The following LRBA variants were observed in gnomAD, a reference collection of about 807,000 sequenced individuals.
The protein encoded by LRBA is lipopolysaccharide-responsive and beige-like anchor protein.
A neutral mutation model predicts 330.0 loss-of-function variants in LRBA; 176 were observed. The observed-to-expected ratio is 0.53, with a 90% CI of 0.47 to 0.60. LRBA has a LOEUF of 0.60. Among genes scored for constraint, LRBA ranks in the 20% least tolerant of loss-of-function variants. The probability of loss-of-function intolerance (pLI) is 0.00; values close to 1 mark genes in which losing one functional copy is unlikely to be tolerated. For missense variants in LRBA, 3,259 were observed against 3,444.8 expected, an observed-to-expected ratio of 0.95 and a Z score of 1.35; for synonymous variants, 1,230 against 1,193.0, an observed-to-expected ratio of 1.03 and a Z score of -0.64.
rs1009609088 is a variant in LRBA at position 150,282,515 on chromosome 4, G to T, written c.8251C>A (p.Leu2751Ile). ...GHCVIFYENG[L>I]FCTFSVNGKL... ...CCATTCACACTGAATGTACAGAAGA[G>T]GCCGTTTTCATAGAATATGACACAA... The change falls in exon 55 of 57, where the codon CTC becomes ATC. Residue 2751 changes from leucine to isoleucine, a missense_variant. Transcript: ENST00000651943. The T allele has an allele frequency of 2.5e-6, 4 of 1,614,152 alleles. No individual in the cohort carries two copies. The highest frequency in any genetic ancestry group is 1.7e-5 in the Admixed American group (1 of 60,012).
chr4:150,555,843 C>A (rs902179340), intron 40 of LRBA, among the ~76,000 whole-genome samples: 1 of 151,826 alleles, frequency 6.6e-6, no homozygotes, highest in Admixed American at 6.6e-5. Flanking sequence ...TCCTTTGTCA[C>A]CCAGGCTGGT....
chr4:150,534,964 A>G (rs1764487674), intron 40 of LRBA, among the ~76,000 whole-genome samples: 1 of 152,220 alleles, frequency 6.6e-6, no homozygotes, highest in Non-Finnish European at 1.5e-5. Context: ...ATGAGAGTAC[A>G]TTTCTTTTTA....
At chr4:150,862,908 G>T (rs1398805734) in intron 22 of LRBA, among the ~76,000 whole-genome samples, 1 of 152,176 alleles carries the variant, frequency 6.6e-6, no homozygotes, top group Non-Finnish European at 1.5e-5. Flanking sequence ...GAACCCAGGA[G>T]GTGGAGGTTT....
chr4:150,828,922 G>GTGTGTGTGTGTGTGTGT (rs1560878315), intron 29 of LRBA, among the ~76,000 whole-genome samples: 21 of 106,174 alleles, frequency 2.0e-4, no homozygotes, highest in African/African-American at 4.1e-4. Context: ...CTTTTTTGGG[G>GTGTGTGTGTGTGTGTGT]GTGTGTGTGT....
chr4:150,660,635 A>G (rs1379809859), intron 37 of LRBA, among the ~76,000 whole-genome samples: 3 of 140,310 alleles, frequency 2.1e-5, no homozygotes, highest in Non-Finnish European at 3.2e-5. Flanking sequence ...AAGGCGGGAA[A>G]GGCGGGGAAA....
intron 42 of LRBA, among the ~76,000 whole-genome samples, chr4:150,483,519 A>C (rs868677562): frequency 2.6e-5 from 4 of 151,494 alleles, no homozygotes; most frequent in Non-Finnish European, 5.9e-5. Context: ...AAAAAAATAG[A>C]GATGGGGTCT....
intron 17 of LRBA, among the ~76,000 whole-genome samples, chr4:150,875,557 C>CA (rs2127020475): frequency 6.6e-6 from 1 of 152,304 alleles, no homozygotes; most frequent in East Asian, 1.9e-4. Context: ...AACTGCCATC[C>CA]AATGGCTTGT....
intron 22 of LRBA, among the ~76,000 whole-genome samples, chr4:150,857,522 C>T (rs1006954441): frequency 6.6e-6 from 1 of 152,088 alleles, no homozygotes; most frequent in African/African-American, 2.4e-5. Context: ...TAAACTGGTA[C>T]AAATTTTTAG....
chr4:150,737,954 CCCT>C (rs1275922905), intron 35 of LRBA, among the ~76,000 whole-genome samples: 4 of 151,436 alleles, frequency 2.6e-5, no homozygotes, highest in East Asian at 1.9e-4. Context: ...AATTCTAACC[CCCT>C]CCTCAAGTCA....
chr4:150,773,481 G>A (rs1032170289), intron 34 of LRBA, among the ~76,000 whole-genome samples: 5 of 152,220 alleles, frequency 3.3e-5, no homozygotes, highest in Non-Finnish European at 7.3e-5. Context: ...ACCTGGTTAT[G>A]CTTATAATAA....
chr4:150,913,042 T>C (rs909739971), intron 9 of LRBA, among the ~76,000 whole-genome samples: 5 of 152,232 alleles, frequency 3.3e-5, no homozygotes, highest in African/African-American at 1.2e-4. Flanking sequence ...CAGTTTTTCT[T>C]TGGCAACTGG....
intron 38 of LRBA, 124 bp downstream of exon 38, chr4:150,598,883 G>A: frequency 8.9e-7 from 1 of 1,127,920 alleles, no homozygotes; most frequent in East Asian, 2.4e-5. Flanking sequence ...TTCTCTTTCT[G>A]GTATGAACAA....
intron 36 of LRBA, among the ~76,000 whole-genome samples, chr4:150,718,342 A>G (rs1200337428): frequency 1.3e-5 from 2 of 149,460 alleles, no homozygotes; most frequent in Admixed American, 1.3e-4. Context: ...TAAATAGATG[A>G]CAACATCTTT....
intron 47 of LRBA, among the ~76,000 whole-genome samples, chr4:150,359,403 T>C (rs896663762): frequency 6.6e-6 from 1 of 152,082 alleles, no homozygotes; most frequent in Non-Finnish European, 1.5e-5. Context: ...ATCAAGAAAG[T>C]AGCATCCGGA....
chr4:150,590,480 T>C (rs991798500), intron 39 of LRBA, among the ~76,000 whole-genome samples: 2 of 152,156 alleles, frequency 1.3e-5, no homozygotes, highest in Non-Finnish European at 2.9e-5. Context: ...TTAAACTTTT[T>C]CTTTTTCAGT....
chr4:150,748,480 A>G (rs570911083), intron 35 of LRBA, among the ~76,000 whole-genome samples: 101 of 152,268 alleles, frequency 6.6e-4, no homozygotes, highest in Non-Finnish European at 1.2e-3. Context: ...CAGCCTGGCC[A>G]ACATGGTGAA....
chr4:150,720,625 T>C, intron 36 of LRBA, among the ~76,000 whole-genome samples: 1 of 152,280 alleles, frequency 6.6e-6, no homozygotes, highest in Admixed American at 6.5e-5. Context: ...TAACATATTA[T>C]TAAGTGTTAC....
intron 44 of LRBA, among the ~76,000 whole-genome samples, chr4:150,439,636 C>T (rs934044978): frequency 4.6e-5 from 7 of 152,142 alleles, no homozygotes; most frequent in African/African-American, 1.7e-4. Context: ...GTAATAACAT[C>T]CACCTCATTA....
chr4:150,613,539 C>T (rs1775467988), intron 37 of LRBA, among the ~76,000 whole-genome samples: 1 of 152,194 alleles, frequency 6.6e-6, no homozygotes, highest in Non-Finnish European at 1.5e-5. Context: ...AGTGCCCAAA[C>T]AAGAGGCTAT....
Sources: allele counts gnomAD v4.1 joint callset (sites outside exome capture counted in the v4.1 genomes callset), GRCh38; gene constraint gnomAD v4.1.1; transcripts MANE v1.5; gene names NCBI Gene and HGNC (gene_info 2026-07-23, HGNC 2026-07-21).